Variants in F9 observed in about 807,000 individuals in gnomAD.
F9 encodes coagulation factor IX.
A neutral mutation model predicts 34.1 loss-of-function variants in F9; 2 were observed. The ratio of observed to expected loss-of-function variants is 0.06; its 90% CI spans 0.02 to 0.18. F9 has a LOEUF of 0.18. F9 is among the 10% of genes least tolerant of loss of function. F9 has a pLI of 1.00. For missense variants in F9, 216 were observed against 345.1 expected, an observed-to-expected ratio of 0.63 and a Z score of 2.96; for synonymous variants, 137 against 118.8, an observed-to-expected ratio of 1.15 and a Z score of -1.00.
At chrX:139,544,735 A>G (rs1927676783) in intron 4 of F9, 3 of 111,748 alleles carry the variant, frequency 2.7e-5, no homozygotes, top group Middle Eastern at 4.7e-3. Context: ...AAAGCCAATA[A>G]GAGGATGAGT....
At chrX:139,548,297 A>ATATTTGACCCATACAAT (rs2148361083) in intron 4 of F9, 66 bp from the exon 5 acceptor site, 1 of 1,108,468 alleles carries the variant, frequency 9.0e-7, no homozygotes, top group Admixed American at 2.2e-5. Flanking sequence ...ATGAGTCAGT[A>ATATTTGACCCATACAAT]GTTCCATGTA....
chrX:139,549,882 C>G (rs773931013), intron 5 of F9, among the ~76,000 whole-genome samples: 1 of 112,243 alleles, frequency 8.9e-6, no homozygotes, highest in African/African-American at 3.2e-5. Flanking sequence ...TGAAGAATCT[C>G]TAAGGCTTCA....
At chrX:139,559,337 G>A (rs1445887213) in intron 6 of F9, among the ~76,000 whole-genome samples, 2 of 112,381 alleles carry the variant, frequency 1.8e-5, no homozygotes, top group African/African-American at 6.5e-5. Context: ...GGCGGATCAC[G>A]AGGTTGAGAG....
intron 6 of F9, among the ~76,000 whole-genome samples, chrX:139,551,969 T>G (rs1411969713): frequency 1.8e-5 from 2 of 111,075 alleles, no homozygotes; most frequent in African/African-American, 6.6e-5. Flanking sequence ...ACGGGAGGAT[T>G]GCTTAAACCC....
intron 6 of F9, among the ~76,000 whole-genome samples, chrX:139,553,834 GTC>G (rs1927905244): frequency 1.7e-5 from 1 of 57,727 alleles, no homozygotes; most frequent in Non-Finnish European, 3.3e-5. Context: ...AAAAAAAAAA[GTC>G]CAAGATTAAA....
At chrX:139,559,528 C>G in intron 6 of F9, among the ~76,000 whole-genome samples, 1 of 96,925 alleles carries the variant, frequency 1.0e-5, no homozygotes, top group Non-Finnish European at 2.1e-5. Flanking sequence ...AAGACTCCGT[C>G]AAAAAAAAAA....
Position 139,548,456 on chromosome X carries a change from G to T in F9, c.485G>T (p.Arg162Leu). 8.3e-7 allele frequency: 1 copy of T among 1,210,076 alleles called. No homozygotes were observed. The highest frequency in any genetic ancestry group is 1.1e-6 in the Non-Finnish European group (1 of 894,508). The change falls in exon 5 of 8, where the codon CGA (arginine) becomes CTA (leucine). Residue 162 changes from arginine to leucine, a missense_variant. Physicochemically the swap from Arg to Leu is moderately radical, Grantham distance 102 (BLOSUM62 -2). Coordinates refer to ENST00000218099, the MANE Select transcript of F9 (RefSeq NM_000133.4). ...GTTTGCTCCTGTACTGAGGGATATC[G>T]ACTTGCAGAAAACCAGAAGTCCTGT... is the stretch of plus-strand genomic sequence containing the variant. ...KVVCSCTEGYRLAENQKSCEP... is the reference protein window; with the variant it reads ...KVVCSCTEGYLLAENQKSCEP...
chrX:139,563,284 G>A lies in F9; in HGVS notation c.*1213G>A, dbSNP rs1928168104. 1 of 110,727 alleles carries A rather than the reference G, an allele frequency of 9.0e-6. No individual in the cohort carries two copies. Among genetic ancestry groups the A allele is most frequent in the Admixed American group, 9.6e-5 (1 of 10,372 alleles). 9.1% of individuals were successfully genotyped at this position (110,727 alleles called of 1,213,427 possible). A position where few individuals can be genotyped will look rare whatever the true frequency, so the allele number is the denominator to read the frequency against. ...CCCGAAGTGGAGAAGGGTGCAGCAG[G>A]CTCAAAGGCATAAGTCATTCCAATC... On this transcript the variant is annotated 3_prime_UTR_variant, in exon 8 of 8. Coordinates refer to ENST00000218099, the MANE Select transcript of F9 (RefSeq NM_000133.4).
At chrX:139,541,306 T>C (rs1739030315) in intron 4 of F9, 117 bp downstream of exon 4, 1 of 420,291 alleles carries the variant, frequency 2.4e-6, no homozygotes, top group Admixed American at 3.1e-5. Flanking sequence ...CTTTGATGCT[T>C]ATAAACATTT....
intron 6 of F9, among the ~76,000 whole-genome samples, chrX:139,551,590 C>T (rs1350957694): frequency 9.0e-6 from 1 of 110,940 alleles, no homozygotes; most frequent in East Asian, 2.8e-4. Context: ...CAGCTTCAGC[C>T]CTTGCAAAAA....
At chrX:139,559,122 C>T (rs1258658392) in intron 6 of F9, among the ~76,000 whole-genome samples, 2 of 112,430 alleles carry the variant, frequency 1.8e-5, no homozygotes, top group Non-Finnish European at 3.7e-5. Flanking sequence ...CAATGATTAG[C>T]CCAAAGTAAA....
chrX:139,537,831 C>T (rs931891307), intron 3 of F9, among the ~76,000 whole-genome samples: 3 of 111,343 alleles, frequency 2.7e-5, no homozygotes, highest in Admixed American at 1.9e-4. Flanking sequence ...CTTCTCTCCT[C>T]GCACACTGGG....
chrX:139,531,822 A>C (rs770881697), intron 1 of F9, among the ~76,000 whole-genome samples: 1 of 112,599 alleles, frequency 8.9e-6, no homozygotes, highest in African/African-American at 3.2e-5. Context: ...CACTCCAGAC[A>C]TGATGTCAGC....
At chrX:139,542,086 G>T (rs756251850) in intron 4 of F9, among the ~76,000 whole-genome samples, 24 of 111,536 alleles carry the variant, frequency 2.2e-4, no homozygotes, top group African/African-American at 6.8e-4. Context: ...TAGAAAATTA[G>T]CAGGACTCTA....
chrX:139,539,257 T>C (rs1283446428), intron 3 of F9, among the ~76,000 whole-genome samples: 2 of 112,091 alleles, frequency 1.8e-5, no homozygotes, highest in East Asian at 5.6e-4. Context: ...TACAGGAGAG[T>C]AAACTGAAGC....
chrX:139,555,627 C>T (rs1238489128), intron 6 of F9, among the ~76,000 whole-genome samples: 1 of 112,652 alleles, frequency 8.9e-6, no homozygotes. Context: ...CCTCCAGATG[C>T]CCAGCGATGG....
chrX:139,535,056 A>G (rs928904), intron 1 of F9, among the ~76,000 whole-genome samples: 1,251 of 111,419 alleles, frequency 0.011, 19 homozygotes, highest in African/African-American at 0.038. Context: ...TGGCCAATGA[A>G]GAGTTGAAGA....
chrX:139,547,116 T>C (rs1052275848), intron 4 of F9, among the ~76,000 whole-genome samples: 2 of 111,490 alleles, frequency 1.8e-5, no homozygotes, highest in Non-Finnish European at 3.8e-5. Context: ...GATAGACAAA[T>C]AGATCAGTGA....
rs1284243411 is a variant in F9 at position 139,548,464 on chromosome X, G to A, written c.493G>A (p.Glu165Lys). 8.3e-7 allele frequency: 1 copy of A among 1,208,589 alleles called. No individual in the cohort carries two copies. The highest frequency in any genetic ancestry group is 1.1e-6 in the Non-Finnish European group (1 of 894,440). ...CSCTEGYRLA[E>K]NQKSCEPAVP... ...CTGTACTGAGGGATATCGACTTGCA[G>A]AAAACCAGAAGTCCTGTGAACCAGC... The change falls in exon 5 of 8, where the codon GAA becomes AAA. Residue 165 changes from glutamate to lysine, a missense_variant. Glu to Lys is a moderately conservative substitution (Grantham distance 56). Coordinates refer to ENST00000218099, the MANE Select transcript of F9 (RefSeq NM_000133.4).
Sources: allele counts gnomAD v4.1 joint callset (sites outside exome capture counted in the v4.1 genomes callset), GRCh38; gene constraint gnomAD v4.1.1; transcripts MANE v1.5; gene names NCBI Gene and HGNC (gene_info 2026-07-23, HGNC 2026-07-21).